The following HLA-E variants were observed in gnomAD, a reference collection of about 807,000 sequenced individuals.
HLA-E encodes the protein HLA class I histocompatibility antigen, alpha chain E.
A neutral mutation model predicts 43.4 loss-of-function variants in HLA-E; 25 were observed. The ratio of observed to expected loss-of-function variants is 0.58; its 90% CI spans 0.42 to 0.80. The LOEUF (loss-of-function observed/expected upper bound fraction) is 0.80. Ranked by LOEUF, HLA-E falls within the 30% of genes least tolerant of loss-of-function variation. The probability of loss-of-function intolerance (pLI) is 0.00; values close to 1 mark genes in which losing one functional copy is unlikely to be tolerated. For missense variants in HLA-E, 343 were observed against 470.0 expected, an observed-to-expected ratio of 0.73 and a Z score of 2.50; for synonymous variants, 161 against 197.6, an observed-to-expected ratio of 0.81 and a Z score of 1.55.
chr6:30,491,538 G>A lies in HLA-E; in HGVS notation c.888G>A (p.Lys296=). The change falls in exon 5 of 8, where the codon AAG becomes AAA. Residue 296 remains lysine, a splice_region_variant and synonymous_variant. Transcript: ENST00000376630. This position sits in a 1 kb window ranked among gnomAD's most constrained non-coding sequence, Gnocchi z 5.4. Reference sequence around the variant, plus strand: ...CCTTACGTTCCCCTCTTTTCCCAGAGCCGGCTTCCCAGCCCACCATCCCCA... The same window carrying A: ...CCTTACGTTCCCCTCTTTTCCCAGAACCGGCTTCCCAGCCCACCATCCCCA... ...GLPEPVTLRW[K]PASQPTIPIV... is the part of the protein sequence containing the mutation. 4 of 1,613,318 alleles carry A rather than the reference G, an allele frequency of 2.5e-6. No homozygotes were observed. The South Asian group carries it at 4.4e-5, about 18-fold the overall frequency.
At position 30,492,524 on chromosome 6, in the gene HLA-E, T is replaced by C. The variant is rs1393097983; in HGVS notation, c.1037-17T>C. The C allele has an allele frequency of 1.2e-6, 2 of 1,613,896 alleles. No homozygotes were observed. Among genetic ancestry groups the C allele is most frequent in the African/African-American group, 2.7e-5 (2 of 74,864 alleles). Reference sequence around the variant, plus strand: ...TCCTGTGGGCTCTGACCAGGTCTTGTTTTTGTTCTACCCCAGGGAGCGACA... The same window carrying C: ...TCCTGTGGGCTCTGACCAGGTCTTGCTTTTGTTCTACCCCAGGGAGCGACA... On this transcript the variant is annotated splice_polypyrimidine_tract_variant and intron_variant, in intron 6 of 7. Transcript: ENST00000376630. This position sits in a 1 kb window ranked among gnomAD's most constrained non-coding sequence, Gnocchi z 4.5.
Position 30,489,739 on chromosome 6 carries a change from G to T in HLA-E, c.78G>T (p.Leu26Phe), listed in dbSNP as rs1261568605. 6.2e-7 allele frequency: 1 copy of T among 1,612,652 alleles called. No individual in the cohort carries two copies. Among genetic ancestry groups the T allele is most frequent in the Non-Finnish European group, 8.5e-7 (1 of 1,179,912 alleles). Residue 26 changes from leucine to phenylalanine, a missense_variant, in exon 2 of 8, where the codon TTG (leucine) becomes TTT (phenylalanine). By Grantham distance (22) the Leu-to-Phe change is conservative. Coordinates refer to ENST00000376630, the MANE Select transcript of HLA-E (RefSeq NM_005516.6). The surrounding 1 kb of genome is among the most constrained non-coding windows in gnomAD (Gnocchi z 5.6). The stretch of plus-strand genomic sequence containing the variant: ...CCTCGCCCCCAGGCTCCCACTCCTT[G>T]AAGTATTTCCACACTTCCGTGTCCC... ...LTQTWAGSHS[L>F]KYFHTSVSRP...
In HLA-E at chr6:30,491,554, A is replaced by C. The variant is rs1412802681; in HGVS notation, c.904A>C (p.Thr302Pro). Residue 302 changes from threonine to proline, a missense_variant, in exon 5 of 8, where the codon ACC becomes CCC. Thr to Pro is a conservative substitution (Grantham distance 38, BLOSUM62 -1). Transcript: ENST00000376630. The surrounding 1 kb of genome is among the most constrained non-coding windows in gnomAD (Gnocchi z 5.4). The part of the protein sequence containing the change: ...TLRWKPASQP[T>P]IPIVGIIAGL... ...TTTCCCAGAGCCGGCTTCCCAGCCCACCATCCCCATCGTGGGCATCATTGC... is the reference window on the plus strand; with the variant it reads ...TTTCCCAGAGCCGGCTTCCCAGCCCCCCATCCCCATCGTGGGCATCATTGC... 4 of 1,613,328 alleles carry C rather than the reference A, an allele frequency of 2.5e-6. No homozygotes were observed.
chr6:30,490,200 CG>C lies in HLA-E; in HGVS notation c.335-36del. 3 of 763,878 alleles carry C rather than the reference CG, an allele frequency of 3.9e-6. No individual in the cohort carries two copies. The highest frequency in any genetic ancestry group is 5.8e-6 in the Non-Finnish European group (3 of 513,026). The allele number at this position is 763,878 out of a possible 1,614,324, so 47.3% of individuals were successfully genotyped here. Reference sequence around the variant, plus strand: ...GCCCACAGGGTGGTGGCGACGGGGGCGGGGCTTGGTGGGCGGGACTGACTAA... The same window carrying C: ...GCCCACAGGGTGGTGGCGACGGGGGCGGGCTTGGTGGGCGGGACTGACTAA... On this transcript the variant is annotated intron_variant, in intron 2 of 7. Transcript: ENST00000376630. The surrounding 1 kb of genome is among the most constrained non-coding windows in gnomAD (Gnocchi z 6.6).
chr6:30,489,915 C>T lies in HLA-E; in HGVS notation c.254C>T (p.Thr85Ile). 3 of 1,612,960 alleles carry T rather than the reference C, an allele frequency of 1.9e-6. No individual in the cohort carries two copies. Among genetic ancestry groups the T allele is most frequent in the Non-Finnish European group, 2.5e-6 (3 of 1,179,978 alleles). ...QEGSEYWDRE[T>I]RSARDTAQIF... ...GGGTCAGAGTATTGGGACCGGGAGA[C>T]ACGGAGCGCCAGGGACACCGCACAG... is the stretch of plus-strand genomic sequence containing the variant. The change falls in exon 2 of 8, where the codon ACA becomes ATA. Residue 85 changes from threonine (T) to isoleucine (I), a missense_variant. Coordinates refer to ENST00000376630, the MANE Select transcript of HLA-E (RefSeq NM_005516.6). The surrounding 1 kb of genome is among the most constrained non-coding windows in gnomAD (Gnocchi z 5.6).
rs1796497159 is a variant in HLA-E, at chr6:30,491,006, G to GCT, written c.611-130_611-129dup. On this transcript the variant is annotated intron_variant, in intron 3 of 7. Transcript: ENST00000376630. The surrounding 1 kb of genome is among the most constrained non-coding windows in gnomAD (Gnocchi z 5.4). ...GGCTATCCCAGATCCCTAAGTCCAG[G>GCT]CTGGTGTCAAGGTTTTGTCCTCTTC... The GCT allele has an allele frequency of 7.8e-7, 1 of 1,275,292 alleles. No homozygotes were observed. Among genetic ancestry groups the GCT allele is most frequent in the Non-Finnish European group, 1.1e-6 (1 of 909,454 alleles). 79.0% of individuals were successfully genotyped at this position (1,275,292 alleles called of 1,614,324 possible).
Position 30,492,697 on chromosome 6 carries a change from C to A in HLA-E, c.*3-52C>A. 1 of 1,031,044 alleles carries A rather than the reference C, an allele frequency of 9.7e-7. No homozygotes were observed. The highest frequency in any genetic ancestry group is 1.4e-5 in the South Asian group (1 of 72,300). The allele number at this position is 1,031,044 out of a possible 1,614,324, so 63.9% of individuals were successfully genotyped here. On this transcript the variant is annotated intron_variant, in intron 7 of 7. Transcript: ENST00000376630. This position sits in a 1 kb window ranked among gnomAD's most constrained non-coding sequence, Gnocchi z 4.5. ...GTGTGTGGTGGGCTGTTCAGAGTGT[C>A]ATCACTTACCGTGACTGACCTGAAT...
In HLA-E at chr6:30,492,569, TCA is replaced by T; in HGVS notation, c.1068_1069del (p.His356GlnfsTer23). 1 of 1,614,074 alleles carries T rather than the reference TCA, an allele frequency of 6.2e-7. No homozygotes were observed. Among genetic ancestry groups the T allele is most frequent in the Non-Finnish European group, 8.5e-7 (1 of 1,180,006 alleles). On this transcript the variant is annotated frameshift_variant, in exon 7 of 8. Transcript: ENST00000376630. LOFTEE classifies it high-confidence loss of function. This position sits in a 1 kb window ranked among gnomAD's most constrained non-coding sequence, Gnocchi z 4.5. ...GCGACAGTGCCCAGGGGTCTGAGTC[TCA>T]CAGCTTGTAAAGGTGAGATTCTGGG... ...WSDSAQGSESHSL is the reference protein window; with the variant it reads ...WSDSAQGSESXSL
Position 30,491,542 on chromosome 6 carries a change from G to A in HLA-E, c.892G>A (p.Ala298Thr). Reference sequence around the variant, plus strand: ...ACGTTCCCCTCTTTTCCCAGAGCCGGCTTCCCAGCCCACCATCCCCATCGT... The same window carrying A: ...ACGTTCCCCTCTTTTCCCAGAGCCGACTTCCCAGCCCACCATCCCCATCGT... ...PEPVTLRWKP[A>T]SQPTIPIVGI... Residue 298 changes from alanine to threonine, a missense_variant, in exon 5 of 8, where the codon GCT becomes ACT. Transcript: ENST00000376630. This position sits in a 1 kb window ranked among gnomAD's most constrained non-coding sequence, Gnocchi z 5.4. 6.2e-7 allele frequency: 1 copy of A among 1,613,290 alleles called. No individual in the cohort carries two copies. The highest frequency in any genetic ancestry group is 8.5e-7 in the Non-Finnish European group (1 of 1,179,832).
chr6:30,489,910 G>C lies in HLA-E; in HGVS notation c.249G>C (p.Arg83=), dbSNP rs750485710. 1.9e-6 allele frequency: 3 copies of C among 1,612,878 alleles called. No individual in the cohort carries two copies. The African/African-American group carries it at 4.0e-5, about 22-fold the overall frequency. The stretch of plus-strand genomic sequence containing the variant: ...AGGAGGGGTCAGAGTATTGGGACCG[G>C]GAGACACGGAGCGCCAGGGACACCG... The part of the protein sequence containing the change: ...MEQEGSEYWD[R]ETRSARDTAQ... The change falls in exon 2 of 8, where the codon CGG becomes CGC. Residue 83 remains arginine (R), a synonymous_variant. Coordinates refer to ENST00000376630, the MANE Select transcript of HLA-E (RefSeq NM_005516.6). The surrounding 1 kb of genome is among the most constrained non-coding windows in gnomAD (Gnocchi z 5.6).
chr6:30,492,270 C>T lies in HLA-E; in HGVS notation c.1004-134C>T, dbSNP rs990626264. On this transcript the variant is annotated intron_variant, in intron 5 of 7. Coordinates refer to ENST00000376630, the MANE Select transcript of HLA-E (RefSeq NM_005516.6). The surrounding 1 kb of genome is among the most constrained non-coding windows in gnomAD (Gnocchi z 4.5). The stretch of plus-strand genomic sequence containing the variant: ...CCAGGACCCACACCTGCTTTCTTCA[C>T]GTTTCCTGATCCTGCCCTGGGTCTG... The T allele has an allele frequency of 2.8e-5, 26 of 920,516 alleles. No homozygotes were observed. The highest frequency in any genetic ancestry group is 4.3e-5 in the Non-Finnish European group (24 of 552,626). 57.0% of individuals were successfully genotyped at this position (920,516 alleles called of 1,614,324 possible).
Position 30,494,194 on chromosome 6 carries a change from A to C in HLA-E, c.*1448A>C, listed in dbSNP as rs113023249. 6.6e-6 allele frequency: 1 copy of C among 152,180 alleles called. No homozygotes were observed. Among genetic ancestry groups the C allele is most frequent in the Non-Finnish European group, 1.5e-5 (1 of 68,032 alleles). 9.4% of individuals were successfully genotyped at this position (152,180 alleles called of 1,614,324 possible). On this transcript the variant is annotated 3_prime_UTR_variant, in exon 8 of 8. Transcript: ENST00000376630. This position sits in a 1 kb window ranked among gnomAD's most constrained non-coding sequence, Gnocchi z 4.9. ...AAAATAAAAGCTGTGTTTGAGCATC[A>C]TTTGTATTTCATTTGTGCGTTTTGT...
In HLA-E at chr6:30,492,673, T is replaced by G. The variant is rs1194822556; in HGVS notation, c.*3-76T>G. ...GATTTTTTGATTCAGAATTTTTGAG[T>G]GTGTGGTGGGCTGTTCAGAGTGTCA... is the stretch of plus-strand genomic sequence containing the variant. On this transcript the variant is annotated intron_variant, in intron 7 of 7. Coordinates refer to ENST00000376630, the MANE Select transcript of HLA-E (RefSeq NM_005516.6). The surrounding 1 kb of genome is among the most constrained non-coding windows in gnomAD (Gnocchi z 4.5). The G allele has an allele frequency of 4.6e-6, 6 of 1,307,066 alleles. No individual in the cohort carries two copies. Among genetic ancestry groups the G allele is most frequent in the Non-Finnish European group, 6.5e-6 (6 of 918,208 alleles). The allele number at this position is 1,307,066 out of a possible 1,614,324, so 81.0% of individuals were successfully genotyped here. A position where few individuals can be genotyped will look rare whatever the true frequency, so the allele number is the denominator to read the frequency against.
Position 30,490,215 on chromosome 6 carries a change from G to A in HLA-E, c.335-25G>A, listed in dbSNP as rs2127269757. 1 of 1,605,116 alleles carries A rather than the reference G, an allele frequency of 6.2e-7. No individual in the cohort carries two copies. Among genetic ancestry groups the A allele is most frequent in the Non-Finnish European group, 8.5e-7 (1 of 1,175,504 alleles). Reference sequence around the variant, plus strand: ...GCGACGGGGGCGGGGCTTGGTGGGCGGGACTGACTAAGGGGCGGGGCCAGG... The same window carrying A: ...GCGACGGGGGCGGGGCTTGGTGGGCAGGACTGACTAAGGGGCGGGGCCAGG... On this transcript the variant is annotated intron_variant, in intron 2 of 7. Transcript: ENST00000376630. This position sits in a 1 kb window ranked among gnomAD's most constrained non-coding sequence, Gnocchi z 6.6.
At position 30,490,568 on chromosome 6, in the gene HLA-E, G is replaced by A. The variant is rs1440720665; in HGVS notation, c.610+53G>A. The A allele has an allele frequency of 6.5e-7, 1 of 1,539,928 alleles. No homozygotes were observed. The highest frequency in any genetic ancestry group is 2.3e-5 in the East Asian group (1 of 44,336). On this transcript the variant is annotated intron_variant, in intron 3 of 7. Coordinates refer to ENST00000376630, the MANE Select transcript of HLA-E (RefSeq NM_005516.6). The surrounding 1 kb of genome is among the most constrained non-coding windows in gnomAD (Gnocchi z 6.6). Reference sequence around the variant, plus strand: ...CATCTCCTTCTTGGGCTAGGACTGTGCCCACAGCTGACAGACCTCAAACAG... The same window carrying A: ...CATCTCCTTCTTGGGCTAGGACTGTACCCACAGCTGACAGACCTCAAACAG...
chr6:30,490,099 C>T lies in HLA-E; in HGVS notation c.334+104C>T. The T allele has an allele frequency of 6.7e-7, 1 of 1,501,956 alleles. No individual in the cohort carries two copies. The highest frequency in any genetic ancestry group is 9.1e-7 in the Non-Finnish European group (1 of 1,104,918). 93.0% of individuals were successfully genotyped at this position (1,501,956 alleles called of 1,614,324 possible). ...GGGTCCCAGATTCACCCCAAGGCTG[C>T]GGAACCCGCCCAGACCCTAGACCGG... On this transcript the variant is annotated intron_variant, in intron 2 of 7. Coordinates refer to ENST00000376630, the MANE Select transcript of HLA-E (RefSeq NM_005516.6). The surrounding 1 kb of genome is among the most constrained non-coding windows in gnomAD (Gnocchi z 6.6).
Position 30,491,479 on chromosome 6 carries a change from G to C in HLA-E, c.887-58G>C. 6.2e-7 allele frequency: 1 copy of C among 1,609,766 alleles called. No homozygotes were observed. Among genetic ancestry groups the C allele is most frequent in the Non-Finnish European group, 8.5e-7 (1 of 1,176,982 alleles). On this transcript the variant is annotated intron_variant, in intron 4 of 7. Transcript: ENST00000376630. The surrounding 1 kb of genome is among the most constrained non-coding windows in gnomAD (Gnocchi z 5.4). ...GCGGGAGCCCTTCTGGAGCCCTTCC[G>C]CAGGGTCAGGGCTGAGGCCTGGGGG... is the stretch of plus-strand genomic sequence containing the variant.
In HLA-E at chr6:30,492,204, G is replaced by A. The variant is rs1359665890; in HGVS notation, c.1004-200G>A. ...ATCCCAGCAGTCACAGGTCACAGGGGAAGGTCCCTGCTGAAGACAGACCTC... is the reference window on the plus strand; with the variant it reads ...ATCCCAGCAGTCACAGGTCACAGGGAAAGGTCCCTGCTGAAGACAGACCTC... On this transcript the variant is annotated intron_variant, in intron 5 of 7. Coordinates refer to ENST00000376630, the MANE Select transcript of HLA-E (RefSeq NM_005516.6). The surrounding 1 kb of genome is among the most constrained non-coding windows in gnomAD (Gnocchi z 4.5). Among the ~76,000 whole-genome samples the A allele has an allele frequency of 6.6e-6, 1 of 152,176 alleles. No homozygotes were observed. Among genetic ancestry groups the A allele is most frequent in the Non-Finnish European group, 1.5e-5 (1 of 68,038 alleles).
Position 30,490,837 on chromosome 6 carries a change from C to G in HLA-E, c.611-300C>G, listed in dbSNP as rs763407105. Among the ~76,000 whole-genome samples, 1 of 152,266 alleles carries G rather than the reference C, an allele frequency of 6.6e-6. No individual in the cohort carries two copies. ...GGGAGTTTCTCTCGTGCCTGATTCT[C>G]AGCCCCACACCAAGAGTTTTTGGAG... is the stretch of plus-strand genomic sequence containing the variant. On this transcript the variant is annotated intron_variant, in intron 3 of 7. Transcript: ENST00000376630. The surrounding 1 kb of genome is among the most constrained non-coding windows in gnomAD (Gnocchi z 6.6).
Sources: allele counts gnomAD v4.1 joint callset (sites outside exome capture counted in the v4.1 genomes callset), GRCh38; gene constraint gnomAD v4.1.1; non-coding constraint Gnocchi (gnomAD v3.1); transcripts MANE v1.5; gene names NCBI Gene and HGNC (gene_info 2026-07-23, HGNC 2026-07-21).